The following ADAMTS6 variants were observed in gnomAD, a reference collection of about 807,000 sequenced individuals.
The protein encoded by ADAMTS6 is ADAM metallopeptidase with thrombospondin type 1 motif 6, also known as A disintegrin and metalloproteinase with thrombospondin motifs 6.
In ADAMTS6, 23 loss-of-function variants were observed where a neutral mutation model predicts 144.3. The ratio of observed to expected loss-of-function variants is 0.16; its 90% CI spans 0.11 to 0.23. The LOEUF is 0.23. ADAMTS6 is among the 10% of genes least tolerant of loss of function. ADAMTS6 has a pLI of 1.00. For missense variants in ADAMTS6, 999 were observed against 1,379.6 expected, an observed-to-expected ratio of 0.72 and a Z score of 4.37; for synonymous variants, 444 against 457.5, an observed-to-expected ratio of 0.97 and a Z score of 0.38.
chr5:65,465,413 C>A (rs1223635369), intron 3 of ADAMTS6, among the ~76,000 whole-genome samples: 2 of 152,100 alleles, frequency 1.3e-5, no homozygotes, highest in African/African-American at 4.8e-5. Context: ...TATCCTTTCT[C>A]ACCTATCAAG....
In ADAMTS6 at chr5:65,452,122, C is replaced by G; in HGVS notation, c.927+11G>C. The G allele has an allele frequency of 6.3e-7, 1 of 1,598,616 alleles. No individual in the cohort carries two copies. The highest frequency in any genetic ancestry group is 2.2e-5 in the East Asian group (1 of 44,700). ...TAACAATCTTAGATATATAAACTAA[C>G]TCATTCTTACCTGATCTTCTGTGAG... On this transcript the variant is annotated intron_variant, in intron 6 of 24. Coordinates refer to ENST00000381055, the MANE Select transcript of ADAMTS6 (RefSeq NM_197941.4).
chr5:65,205,414 C>T (rs1756021063), intron 20 of ADAMTS6, among the ~76,000 whole-genome samples: 1 of 152,132 alleles, frequency 6.6e-6, no homozygotes, highest in South Asian at 2.1e-4. Context: ...AAGCATTTGT[C>T]TCTGTTTTAT....
chr5:65,363,398 T>C (rs4700675), intron 7 of ADAMTS6, among the ~76,000 whole-genome samples: 1 of 152,096 alleles, frequency 6.6e-6, no homozygotes, highest in African/African-American at 2.4e-5. Flanking sequence ...AAATTACACA[T>C]CCCTTATGCA....
intron 3 of ADAMTS6, among the ~76,000 whole-genome samples, chr5:65,469,626 C>CA: frequency 6.6e-6 from 1 of 152,128 alleles, no homozygotes; most frequent in Non-Finnish European, 1.5e-5. Context: ...CTAAATCTTA[C>CA]AAGCTAAGTA....
chr5:65,254,597 G>A (rs1325222273), intron 14 of ADAMTS6, among the ~76,000 whole-genome samples: 2 of 152,158 alleles, frequency 1.3e-5, no homozygotes, highest in African/African-American at 4.8e-5. Context: ...GCTGCACGTG[G>A]CCAAACTGAG....
At chr5:65,435,409 T>A (rs890373123) in intron 7 of ADAMTS6, among the ~76,000 whole-genome samples, 5 of 152,148 alleles carry the variant, frequency 3.3e-5, no homozygotes, top group Non-Finnish European at 5.9e-5. Flanking sequence ...AATGTTTACA[T>A]CTGCTAAATC....
intron 7 of ADAMTS6, among the ~76,000 whole-genome samples, chr5:65,391,740 C>CT (rs112771142): frequency 0.049 from 7,036 of 144,168 alleles, 337 homozygotes; most frequent in African/African-American, 0.13. Flanking sequence ...ACAACATTAA[C>CT]TTTTTTTTTT....
chr5:65,475,886 T>C (rs1316860406), intron 1 of ADAMTS6, among the ~76,000 whole-genome samples: 9 of 152,186 alleles, frequency 5.9e-5, no homozygotes, highest in Non-Finnish European at 1.5e-5. Flanking sequence ...TCTTGTGAAG[T>C]AAATATACTC....
intron 7 of ADAMTS6, among the ~76,000 whole-genome samples, chr5:65,349,697 A>C (rs1019254846): frequency 6.6e-6 from 1 of 152,008 alleles, no homozygotes; most frequent in South Asian, 2.1e-4. Context: ...TCCACTAAAA[A>C]TACAAAAATT....
Position 65,359,700 on chromosome 5 carries a change from C to G in ADAMTS6, c.1074-25615G>C, listed in dbSNP as rs552967940. ...TTCAGCCTCAAAACAGAAGGAAATC[C>G]TGTGATTTAAGACAACACAGATGAA... is the stretch of plus-strand genomic sequence containing the variant. On this transcript the variant is annotated intron_variant, in intron 7 of 24. Coordinates refer to ENST00000381055, the MANE Select transcript of ADAMTS6 (RefSeq NM_197941.4). 2.0e-3 allele frequency among the ~76,000 whole-genome samples: 306 copies of G among 152,048 alleles called. 1 individual carries two copies. Among genetic ancestry groups the G allele is most frequent in the Non-Finnish European group, 3.2e-3 (219 of 67,970 alleles).
At chr5:65,311,754 G>C (rs771303932) in intron 9 of ADAMTS6, among the ~76,000 whole-genome samples, 1 of 151,974 alleles carries the variant, frequency 6.6e-6, no homozygotes, top group Non-Finnish European at 1.5e-5. Flanking sequence ...TGGGAGATTT[G>C]TAAGAATGGA....
intron 3 of ADAMTS6, among the ~76,000 whole-genome samples, chr5:65,463,404 G>A (rs934244017): frequency 2.6e-5 from 4 of 152,138 alleles, no homozygotes; most frequent in Admixed American, 2.6e-4. Context: ...TGAAGGGAGG[G>A]AAGGGGAGAG....
intron 7 of ADAMTS6, among the ~76,000 whole-genome samples, chr5:65,400,175 A>C (rs1371783391): frequency 6.6e-6 from 1 of 151,672 alleles, no homozygotes; most frequent in African/African-American, 2.4e-5. Flanking sequence ...CCTCTTTCAG[A>C]ATTTTTTCTT....
chr5:65,351,793 G>A (rs1662783925), intron 7 of ADAMTS6, among the ~76,000 whole-genome samples: 1 of 150,882 alleles, frequency 6.6e-6, no homozygotes, highest in Admixed American at 6.6e-5. Flanking sequence ...GAGAGAATTC[G>A]TCTTCTTAAA....
intron 22 of ADAMTS6, among the ~76,000 whole-genome samples, chr5:65,173,810 G>A (rs1035198131): frequency 1.3e-5 from 2 of 152,036 alleles, no homozygotes; most frequent in African/African-American, 2.4e-5. Flanking sequence ...AGATCAAGAG[G>A]TCAAGAGATC....
chr5:65,174,408 T>C (rs1225716147), intron 22 of ADAMTS6, among the ~76,000 whole-genome samples: 1 of 152,206 alleles, frequency 6.6e-6, no homozygotes, highest in African/African-American at 2.4e-5. Context: ...TCCAGCCAGC[T>C]TGGCCGATGC....
At chr5:65,454,642 T>C (rs1759042738) in intron 4 of ADAMTS6, among the ~76,000 whole-genome samples, 1 of 152,196 alleles carries the variant, frequency 6.6e-6, no homozygotes, top group East Asian at 1.9e-4. Context: ...TTGAGTATAT[T>C]AGTACATGAT....
At chr5:65,275,130 A>C (rs1349105495) in intron 11 of ADAMTS6, among the ~76,000 whole-genome samples, 1 of 148,580 alleles carries the variant, frequency 6.7e-6, no homozygotes, top group East Asian at 2.0e-4. Context: ...CGAGGTGGGA[A>C]GATCGCTTGA....
chr5:65,426,099 T>G (rs928434614), intron 7 of ADAMTS6, among the ~76,000 whole-genome samples: 15 of 148,916 alleles, frequency 1.0e-4, no homozygotes, highest in African/African-American at 3.7e-4. Context: ...CAGGCTAGAG[T>G]GCAATGGTGC....
Sources: gnomAD v4.1 joint callset for allele counts (sites outside exome capture counted in the v4.1 genomes callset) on GRCh38, gnomAD v4.1.1 for gene constraint, MANE v1.5 for transcripts, NCBI Gene and HGNC (gene_info 2026-07-23, HGNC 2026-07-21) for gene names.